The following MALRD1 variants were observed in gnomAD, a reference collection of about 807,000 sequenced individuals.
The protein encoded by MALRD1 is MAM and LDL-receptor class A domain-containing protein 1.
Under a neutral mutation model 242.1 loss-of-function variants are expected in MALRD1, and 247 were observed. The observed-to-expected ratio is 1.02, with a 90% CI of 0.92 to 1.13. The LOEUF (loss-of-function observed/expected upper bound fraction) is 1.13, where lower values mean the gene tolerates loss of function less well. Ranked by LOEUF, MALRD1 falls within the 50% of genes most tolerant of loss-of-function variation. The pLI is 0.00. For missense variants in MALRD1, 2,989 were observed against 2,533.1 expected, an observed-to-expected ratio of 1.18 and a Z score of -3.86; for synonymous variants, 995 against 866.6, an observed-to-expected ratio of 1.15 and a Z score of -2.60.
At chr10:19,565,021 A>G (rs1390164905) in intron 32 of MALRD1, among the ~76,000 whole-genome samples, 1 of 152,192 alleles carries the variant, frequency 6.6e-6, no homozygotes, top group Non-Finnish European at 1.5e-5. Context: ...ATTCAACTTA[A>G]TATACTGGAG....
At chr10:19,533,583 G>C (rs540687852) in intron 32 of MALRD1, among the ~76,000 whole-genome samples, 43 of 152,282 alleles carry the variant, frequency 2.8e-4, no homozygotes, top group African/African-American at 9.6e-4. Flanking sequence ...CTTCTGATGA[G>C]GGTTCAAGAA....
intron 34 of MALRD1, among the ~76,000 whole-genome samples, chr10:19,605,523 C>T (rs59652336): frequency 0.014 from 1,961 of 144,768 alleles, 31 homozygotes; most frequent in African/African-American, 0.048. Flanking sequence ...GTGCTACTTC[C>T]TTATCCAACC....
chr10:19,476,896 T>G (rs1836763355), intron 29 of MALRD1, among the ~76,000 whole-genome samples: 1 of 151,218 alleles, frequency 6.6e-6, no homozygotes, highest in African/African-American at 2.4e-5. Flanking sequence ...GCTTCCAAAC[T>G]CTCCATCTCA....
At chr10:19,692,867 T>TTATATA (rs1254775928) in intron 38 of MALRD1, among the ~76,000 whole-genome samples, 7 of 29,634 alleles carry the variant, frequency 2.4e-4, no homozygotes, top group African/African-American at 7.8e-4. Flanking sequence ...ATAGATGAAA[T>TTATATA]TATATATATA....
chr10:19,209,302 C>G lies in MALRD1; in HGVS notation c.2613C>G (p.Ile871Met), dbSNP rs1168493354. 2 of 1,546,740 alleles carry G rather than the reference C, an allele frequency of 1.3e-6. No individual in the cohort carries two copies. The highest frequency in any genetic ancestry group is 2.4e-5 in the East Asian group (1 of 40,914). The change falls in exon 18 of 40, where the codon ATC (isoleucine) becomes ATG (methionine). Residue 871 changes from isoleucine to methionine, a missense_variant. Physicochemically the swap from Ile to Met is conservative, Grantham distance 10. Transcript: ENST00000454679. ...PELQCNFETGICNWEQDAKDD... is the reference protein window; with the variant it reads ...PELQCNFETGMCNWEQDAKDD... Reference sequence around the variant, plus strand: ...TGCAGTGTAACTTTGAAACTGGAATCTGTAACTGGGAACAAGATGCAAAAG... The same window carrying G: ...TGCAGTGTAACTTTGAAACTGGAATGTGTAACTGGGAACAAGATGCAAAAG...
chr10:19,524,864 G>C (rs903956709), intron 31 of MALRD1, among the ~76,000 whole-genome samples: 14 of 151,636 alleles, frequency 9.2e-5, no homozygotes, highest in Non-Finnish European at 2.1e-4. Context: ...AGCTGTCAAA[G>C]CATACCTTTC....
chr10:19,569,155 T>C (rs1248997044), intron 33 of MALRD1, among the ~76,000 whole-genome samples: 3 of 152,102 alleles, frequency 2.0e-5, no homozygotes, highest in East Asian at 1.9e-4. Context: ...ATCTTTGCAA[T>C]TGAGGTCATA....
intron 24 of MALRD1, among the ~76,000 whole-genome samples, chr10:19,345,352 G>C (rs906481787): frequency 6.6e-5 from 10 of 151,948 alleles, no homozygotes; most frequent in Admixed American, 3.3e-4. Flanking sequence ...TTTCTCACAG[G>C]CTGCTAAATT....
In MALRD1 at chr10:19,051,921, C is replaced by CAAAA. The variant is rs1178410946; in HGVS notation, c.199+2812_199+2815dup. ...TGGGCGACAGAGCGAGACTCCGTCTCAAAAAAAAAAAAAAAAAAAAAAAAA... is the reference window on the plus strand; with the variant it reads ...TGGGCGACAGAGCGAGACTCCGTCTCAAAAAAAAAAAAAAAAAAAAAAAAAAAAA... On this transcript the variant is annotated intron_variant, in intron 1 of 39. Coordinates refer to ENST00000454679, the MANE Select transcript of MALRD1 (RefSeq NM_001142308.3). 396 of 62,746 alleles carry CAAAA rather than the reference C, an allele frequency of 6.3e-3. 18 individuals are homozygous for CAAAA. The highest frequency in any genetic ancestry group is 0.01 in the African/African-American group (125 of 12,340). 3.9% of individuals were successfully genotyped at this position (62,746 alleles called of 1,614,324 possible).
chr10:19,470,611 C>T (rs1232973782), intron 29 of MALRD1, among the ~76,000 whole-genome samples: 1 of 151,822 alleles, frequency 6.6e-6, no homozygotes, highest in Non-Finnish European at 1.5e-5. Context: ...TTTTTCAAAA[C>T]AATAGCCATC....
chr10:19,646,960 C>A (rs920080407), intron 36 of MALRD1, among the ~76,000 whole-genome samples: 3 of 152,022 alleles, frequency 2.0e-5, no homozygotes, highest in Admixed American at 6.6e-5. Context: ...TGATCAAAGA[C>A]CTATGAGAGG....
At chr10:19,701,117 C>A (rs1469491251) in intron 38 of MALRD1, among the ~76,000 whole-genome samples, 1 of 152,032 alleles carries the variant, frequency 6.6e-6, no homozygotes, top group East Asian at 1.9e-4. Flanking sequence ...CCACTGTACT[C>A]CAGCCTGGGT....
intron 18 of MALRD1, among the ~76,000 whole-genome samples, chr10:19,211,605 T>C (rs1837071246): frequency 7.2e-6 from 1 of 138,822 alleles, no homozygotes; most frequent in Non-Finnish European, 1.5e-5. Flanking sequence ...GATAATCGCT[T>C]GAACCCAGGA....
At chr10:19,110,191 A>G (rs752505251) in intron 5 of MALRD1, among the ~76,000 whole-genome samples, 1 of 152,108 alleles carries the variant, frequency 6.6e-6, no homozygotes, top group Non-Finnish European at 1.5e-5. Flanking sequence ...AAATACATTA[A>G]GCGTCTCTAG....
At chr10:19,287,211 A>G (rs1181245654) in intron 21 of MALRD1, among the ~76,000 whole-genome samples, 2 of 152,160 alleles carry the variant, frequency 1.3e-5, no homozygotes, top group Non-Finnish European at 2.9e-5. Flanking sequence ...ATATCCTATT[A>G]TGTCCTAAGA....
intron 28 of MALRD1, among the ~76,000 whole-genome samples, chr10:19,394,882 A>G (rs1846511627): frequency 6.6e-6 from 1 of 152,172 alleles, no homozygotes; most frequent in Non-Finnish European, 1.5e-5. Context: ...GTTTATTTTG[A>G]TATTGACAAG....
intron 29 of MALRD1, among the ~76,000 whole-genome samples, chr10:19,469,347 A>G (rs1836382604): frequency 6.6e-6 from 1 of 152,104 alleles, no homozygotes; most frequent in South Asian, 2.1e-4. Context: ...CTTTTATGAT[A>G]ATGATCTTCT....
chr10:19,457,101 A>G (rs1210724114), intron 29 of MALRD1, among the ~76,000 whole-genome samples: 1 of 152,194 alleles, frequency 6.6e-6, no homozygotes, highest in Admixed American at 6.5e-5. Flanking sequence ...ATCATATTTA[A>G]TTGAATCCTT....
At chr10:19,076,495 T>G (rs920515212) in intron 2 of MALRD1, among the ~76,000 whole-genome samples, 1 of 152,034 alleles carries the variant, frequency 6.6e-6, no homozygotes, top group Non-Finnish European at 1.5e-5. Flanking sequence ...TTATGAGGTA[T>G]CCACTTTTGC....
Sources: allele counts gnomAD v4.1 joint callset (sites outside exome capture counted in the v4.1 genomes callset), GRCh38; gene constraint gnomAD v4.1.1; transcripts MANE v1.5; gene names NCBI Gene and HGNC (gene_info 2026-07-23, HGNC 2026-07-21).